The following TMEM131 variants were observed in gnomAD, a reference collection of about 807,000 sequenced individuals.
TMEM131 encodes 2610524E03Rik.
A neutral mutation model predicts 211.6 loss-of-function variants in TMEM131; 66 were observed. The ratio of observed to expected loss-of-function variants is 0.31; its 90% CI spans 0.26 to 0.38. TMEM131 has a LOEUF of 0.38. Among genes scored for constraint, TMEM131 ranks in the 10% least tolerant of loss-of-function variants. The pLI, the probability that TMEM131 is intolerant of heterozygous loss-of-function variation, is 1.00. For synonymous variants in TMEM131, 844 were observed against 841.3 expected (o/e 1.00, Z -0.06); for missense variants, 2,036 against 2,299.3 (o/e 0.89, Z 2.34).
chr2:97,949,541 G>A (rs189276165), intron 1 of TMEM131, among the ~76,000 whole-genome samples: 20 of 152,098 alleles, frequency 1.3e-4, no homozygotes, highest in African/African-American at 4.3e-4. Flanking sequence ...AAGGCCAGGC[G>A]TGGTGGCTCA....
chr2:97,887,601 C>T, intron 4 of TMEM131: 1 of 154,004 alleles, frequency 6.5e-6, no homozygotes, highest in Non-Finnish European at 1.4e-5. Context: ...GTGAATGAAC[C>T]ATGTCTGTCT....
In TMEM131 at chr2:97,758,965, A is replaced by G. The variant is rs1176272405; in HGVS notation, c.5295T>C (p.Leu1765=). ...TGGGATCTGTCGCTGGCGACTCCCA[A>G]AGGTATGAAGGGCCACTATTAAACT... ...WNEFNSGPSY[L]WESPATDPSP... is the part of the protein sequence containing the mutation. Residue 1765 remains leucine, a synonymous_variant, in exon 40 of 41, where the codon CTT becomes CTC. Coordinates refer to ENST00000186436, the MANE Select transcript of TMEM131 (RefSeq NM_015348.2). The G allele has an allele frequency of 4.3e-6, 7 of 1,613,966 alleles. No individual in the cohort carries two copies. Among genetic ancestry groups the G allele is most frequent in the Non-Finnish European group, 5.9e-6 (7 of 1,179,910 alleles).
At chr2:97,758,196 T>C (rs1259494839) in intron 40 of TMEM131, among the ~76,000 whole-genome samples, 2 of 151,968 alleles carry the variant, frequency 1.3e-5, no homozygotes, top group Non-Finnish European at 2.9e-5. Flanking sequence ...TTTTAAAACA[T>C]AAGGCTGAAT....
Position 97,805,158 on chromosome 2 carries a change from C to G in TMEM131, c.2332G>C (p.Asp778His). 6.2e-7 allele frequency: 1 copy of G among 1,613,880 alleles called. No individual in the cohort carries two copies. The highest frequency in any genetic ancestry group is 8.5e-7 in the Non-Finnish European group (1 of 1,179,850). ...CTTTGATGCAAATCCCAGTCAGCAT[C>G]CCACATATCTTCCTGCATGGCTACA... Reference protein sequence around the residue: ...PGVAMQEDMWDADWDLHQSLF... With the variant: ...PGVAMQEDMWHADWDLHQSLF... Residue 778 changes from aspartate to histidine, a missense_variant, in exon 22 of 41, where the codon GAT (aspartate) becomes CAT (histidine). Asp to His is a moderately conservative substitution (Grantham distance 81). Around this residue, in one of 3 missense-constraint regions of TMEM131, gnomAD observed 1,623 missense variants for 1,805.9 expected, o/e 0.90. Coordinates refer to ENST00000186436, the MANE Select transcript of TMEM131 (RefSeq NM_015348.2).
intron 31 of TMEM131, among the ~76,000 whole-genome samples, chr2:97,786,925 C>G (rs908384465): frequency 6.6e-6 from 1 of 152,200 alleles, no homozygotes; most frequent in African/African-American, 2.4e-5. Flanking sequence ...ACTCCTATGC[C>G]CCCTTTTCCT....
intron 1 of TMEM131, among the ~76,000 whole-genome samples, chr2:97,960,782 G>A (rs1678779851): frequency 6.6e-6 from 1 of 151,950 alleles, no homozygotes; most frequent in African/African-American, 2.4e-5. Context: ...ATGCTTAAAG[G>A]TGTTTTACCA....
chr2:97,814,210 A>T, intron 14 of TMEM131, 25 bp downstream of exon 14: 1 of 1,610,710 alleles, frequency 6.2e-7, no homozygotes, highest in Non-Finnish European at 8.5e-7. Flanking sequence ...AGGAAAATTA[A>T]AAGTATGAGG....
chr2:97,980,725 C>G (rs1434402231), intron 1 of TMEM131, among the ~76,000 whole-genome samples: 1 of 151,656 alleles, frequency 6.6e-6, no homozygotes, highest in African/African-American at 2.4e-5. Context: ...GAATACTACT[C>G]AACATTAGAG....
At chr2:97,795,220 C>T (rs1457418226) in intron 28 of TMEM131, 105 bp from the exon 29 acceptor site, 10 of 758,332 alleles carry the variant, frequency 1.3e-5, no homozygotes, top group Admixed American at 3.4e-5. Flanking sequence ...ACAGAATTTG[C>T]GTTTGATACT....
At chr2:97,803,258 AG>A (rs1388339738) in intron 22 of TMEM131, among the ~76,000 whole-genome samples, 1 of 152,250 alleles carries the variant, frequency 6.6e-6, no homozygotes, top group African/African-American at 2.4e-5. Context: ...CATTTTCAGT[AG>A]GACTAATGAG....
chr2:97,865,797 G>C (rs1451426691), intron 4 of TMEM131, among the ~76,000 whole-genome samples: 1 of 152,174 alleles, frequency 6.6e-6, no homozygotes, highest in Non-Finnish European at 1.5e-5. Context: ...AAGAGTTTGG[G>C]AATAATTGGT....
At chr2:97,839,471 A>G (rs561260295) in intron 7 of TMEM131, among the ~76,000 whole-genome samples, 1 of 152,348 alleles carries the variant, frequency 6.6e-6, no homozygotes, top group South Asian at 2.1e-4. Context: ...AATTACACTA[A>G]AACTAGGAAC....
chr2:97,941,533 A>T (rs1677728676), intron 1 of TMEM131, among the ~76,000 whole-genome samples: 1 of 152,250 alleles, frequency 6.6e-6, no homozygotes, highest in Admixed American at 6.5e-5. Context: ...CAGAGTGAAC[A>T]GGCAACCTAC....
intron 1 of TMEM131, among the ~76,000 whole-genome samples, chr2:97,973,316 T>C (rs1398945777): frequency 6.6e-6 from 1 of 152,196 alleles, no homozygotes; most frequent in Non-Finnish European, 1.5e-5. Flanking sequence ...ACGAACTGCA[T>C]TAATTAAATG....
intron 3 of TMEM131, among the ~76,000 whole-genome samples, chr2:97,890,110 T>C (rs1675319677): frequency 6.6e-6 from 1 of 152,206 alleles, no homozygotes; most frequent in Admixed American, 6.5e-5. Flanking sequence ...AGGTAGGAGC[T>C]GAGCTCAGAG....
At chr2:97,786,164 T>C (rs948297173) in intron 31 of TMEM131, among the ~76,000 whole-genome samples, 1 of 152,182 alleles carries the variant, frequency 6.6e-6, no homozygotes, top group Non-Finnish European at 1.5e-5. Flanking sequence ...GTGTTACCAT[T>C]GGGAGAAACT....
At chr2:97,883,955 TC>T (rs1210406446) in intron 4 of TMEM131, among the ~76,000 whole-genome samples, 1 of 152,178 alleles carries the variant, frequency 6.6e-6, no homozygotes, top group African/African-American at 2.4e-5. Flanking sequence ...CTTATTTCCT[TC>T]CACTAATTTT....
At chr2:97,766,790 C>G (rs1229851981) in intron 33 of TMEM131, among the ~76,000 whole-genome samples, 188 bp from the exon 34 acceptor site, 2 of 152,206 alleles carry the variant, frequency 1.3e-5, no homozygotes, top group African/African-American at 4.8e-5. Flanking sequence ...TAAGACTGCC[C>G]AGCAGACATT....
chr2:97,944,335 G>T (rs1043637808), intron 1 of TMEM131, among the ~76,000 whole-genome samples: 5 of 152,018 alleles, frequency 3.3e-5, no homozygotes, highest in African/African-American at 4.8e-5. Flanking sequence ...AATCCAGAAG[G>T]AACAAAGACC....
Sources: gnomAD v4.1 joint callset for allele counts (sites outside exome capture counted in the v4.1 genomes callset) on GRCh38, gnomAD v4.1.1 for gene constraint, gnomAD v4.1.1 regional missense constraint, MANE v1.5 for transcripts, NCBI Gene and HGNC (gene_info 2026-07-23, HGNC 2026-07-21) for gene names.